LRRC8D: variants seen among roughly 807,000 people sequenced by gnomAD.
LRRC8D encodes volume-regulated anion channel subunit LRRC8D.
Under a neutral mutation model 55.8 loss-of-function variants are expected in LRRC8D, and 20 were observed. The observed-to-expected ratio is 0.36, with a 90% CI of 0.25 to 0.52. The LOEUF is 0.52. LRRC8D is among the 20% of genes least tolerant of loss of function. The pLI is 0.93. For missense variants in LRRC8D, 651 were observed against 1,030.8 expected, an observed-to-expected ratio of 0.63 and a Z score of 5.05; for synonymous variants, 352 against 377.0, an observed-to-expected ratio of 0.93 and a Z score of 0.77.
chr1:89,864,677 T>C (rs1661799030), intron 2 of LRRC8D, among the ~76,000 whole-genome samples: 2 of 152,092 alleles, frequency 1.3e-5, no homozygotes, highest in African/African-American at 2.4e-5. Flanking sequence ...CTCCAGTGAA[T>C]TCTCATTATC....
chr1:89,887,123 A>G (rs1662438070), intron 2 of LRRC8D, among the ~76,000 whole-genome samples: 1 of 152,194 alleles, frequency 6.6e-6, no homozygotes, highest in Non-Finnish European at 1.5e-5. Context: ...AGTCGTTTAC[A>G]TGGGCATAAA....
intron 1 of LRRC8D, among the ~76,000 whole-genome samples, chr1:89,842,080 G>A (rs1197863645): frequency 1.3e-5 from 2 of 152,014 alleles, no homozygotes; most frequent in East Asian, 1.9e-4. Flanking sequence ...GGGCATGGTG[G>A]CGTGTGCCTG....
At chr1:89,901,850 A>G (rs1048606310) in intron 2 of LRRC8D, among the ~76,000 whole-genome samples, 1 of 152,358 alleles carries the variant, frequency 6.6e-6, no homozygotes, top group South Asian at 2.1e-4. Context: ...TAATCTTTGC[A>G]GTACGTCGTG....
intron 2 of LRRC8D, among the ~76,000 whole-genome samples, chr1:89,920,891 C>G (rs1663399304): frequency 6.6e-6 from 1 of 152,064 alleles, no homozygotes; most frequent in African/African-American, 2.4e-5. Flanking sequence ...TGGTGTAGCT[C>G]ATTATAAACT....
At chr1:89,883,686 T>A (rs1662338795) in intron 2 of LRRC8D, among the ~76,000 whole-genome samples, 1 of 152,184 alleles carries the variant, frequency 6.6e-6, no homozygotes, top group Non-Finnish European at 1.5e-5. Context: ...CAGGAGGGGC[T>A]AATGATAGAC....
intron 2 of LRRC8D, among the ~76,000 whole-genome samples, chr1:89,927,272 G>A (rs1663592101): frequency 6.6e-6 from 1 of 152,284 alleles, no homozygotes; most frequent in Non-Finnish European, 1.5e-5. Flanking sequence ...TAGGACAGCT[G>A]TTTCTGCGGC....
intron 2 of LRRC8D, among the ~76,000 whole-genome samples, chr1:89,876,059 T>C (rs1292650083): frequency 1.3e-5 from 2 of 152,152 alleles, no homozygotes; most frequent in Non-Finnish European, 2.9e-5. Flanking sequence ...CTAATACCTC[T>C]ACCTCCCAGG....
intron 2 of LRRC8D, among the ~76,000 whole-genome samples, chr1:89,929,455 G>C (rs1185163775): frequency 6.6e-6 from 1 of 152,174 alleles, no homozygotes. Context: ...ATGGAAAAGG[G>C]ATTAAAGGAG....
At chr1:89,923,447 T>C (rs1557485826) in intron 2 of LRRC8D, among the ~76,000 whole-genome samples, 1 of 152,228 alleles carries the variant, frequency 6.6e-6, no homozygotes, top group Admixed American at 6.5e-5. Flanking sequence ...TGCTGATCCC[T>C]TCTCTCATTG....
intron 1 of LRRC8D, among the ~76,000 whole-genome samples, chr1:89,826,874 C>T (rs1022079678): frequency 6.6e-6 from 1 of 152,090 alleles, no homozygotes; most frequent in Non-Finnish European, 1.5e-5. Context: ...AGTCATCAGA[C>T]GATTTGCAGG....
intron 2 of LRRC8D, among the ~76,000 whole-genome samples, chr1:89,885,913 C>A (rs1255352648): frequency 1.3e-5 from 2 of 152,166 alleles, no homozygotes; most frequent in East Asian, 3.9e-4. Context: ...TAAGATGTAA[C>A]CTGATGTGTC....
At chr1:89,918,024 T>A (rs1251823625) in intron 2 of LRRC8D, among the ~76,000 whole-genome samples, 1 of 152,212 alleles carries the variant, frequency 6.6e-6, no homozygotes, top group Admixed American at 6.5e-5. Flanking sequence ...TTGCATAGTG[T>A]TAACACTTGA....
chr1:89,901,646 G>A (rs751679903), intron 2 of LRRC8D, among the ~76,000 whole-genome samples: 4 of 152,170 alleles, frequency 2.6e-5, no homozygotes, highest in African/African-American at 4.8e-5. Flanking sequence ...TACCAGATAC[G>A]CAGACTAAAC....
intron 2 of LRRC8D, among the ~76,000 whole-genome samples, chr1:89,854,376 G>A (rs977333749): frequency 3.9e-5 from 4 of 103,746 alleles, no homozygotes; most frequent in Non-Finnish European, 7.0e-5. Flanking sequence ...AGGTGCTGAC[G>A]GAGGATTTTT....
intron 2 of LRRC8D, among the ~76,000 whole-genome samples, chr1:89,873,400 G>T (rs867334560): frequency 1.3e-5 from 2 of 152,240 alleles, no homozygotes; most frequent in South Asian, 4.1e-4. Context: ...AGAACATTTT[G>T]ATAAGTTTAG....
intron 1 of LRRC8D, among the ~76,000 whole-genome samples, chr1:89,822,510 CT>C (rs1376870975): frequency 1.3e-5 from 2 of 152,170 alleles, no homozygotes; most frequent in Non-Finnish European, 2.9e-5. Flanking sequence ...TTTCTGGAAA[CT>C]TTCCTTGGCA....
At chr1:89,829,264 A>G (rs1330414582) in intron 1 of LRRC8D, among the ~76,000 whole-genome samples, 1 of 152,256 alleles carries the variant, frequency 6.6e-6, no homozygotes, top group African/African-American at 2.4e-5. Flanking sequence ...TAATAATAAC[A>G]GCTATTAGGC....
chr1:89,841,910 T>C (rs1661142130), intron 1 of LRRC8D, among the ~76,000 whole-genome samples: 1 of 152,134 alleles, frequency 6.6e-6, no homozygotes, highest in Admixed American at 6.5e-5. Context: ...CTGGACTTTC[T>C]CCCTAGAATT....
At chr1:89,843,984 G>T (rs1661210207) in intron 2 of LRRC8D, among the ~76,000 whole-genome samples, 1 of 152,240 alleles carries the variant, frequency 6.6e-6, no homozygotes, top group Non-Finnish European at 1.5e-5. Flanking sequence ...CTGGGCGTGC[G>T]CTGCGGAGCC....
Sources: allele counts gnomAD v4.1 joint callset (sites outside exome capture counted in the v4.1 genomes callset), GRCh38; gene constraint gnomAD v4.1.1; transcripts MANE v1.5; gene names NCBI Gene and HGNC (gene_info 2026-07-23, HGNC 2026-07-21).